Variants in FUT9 observed in about 807,000 individuals in gnomAD.
The protein encoded by FUT9 is fucosyltransferase 9, also known as 4-galactosyl-N-acetylglucosaminide 3-alpha-L-fucosyltransferase 9.
Under a neutral mutation model 29.7 loss-of-function variants are expected in FUT9, and 15 were observed. The observed-to-expected ratio is 0.51, with a 90% confidence interval of 0.34 to 0.78. The LOEUF (loss-of-function observed/expected upper bound fraction) is 0.78, where lower values mean the gene tolerates loss of function less well. Ranked by LOEUF, FUT9 falls within the 30% of genes least tolerant of loss-of-function variation. FUT9 has a pLI of 0.01. For synonymous variants in FUT9, 169 were observed against 153.7 expected (o/e 1.10, Z -0.74); for missense variants, 319 against 425.4 (o/e 0.75, Z 2.20).
chr6:96,137,916 A>G (rs1265254665), intron 2 of FUT9, among the ~76,000 whole-genome samples: 1 of 152,078 alleles, frequency 6.6e-6, no homozygotes, highest in Non-Finnish European at 1.5e-5. Flanking sequence ...AGTTTATTTA[A>G]AAGTTACATA....
intron 1 of FUT9, among the ~76,000 whole-genome samples, chr6:96,073,220 A>G (rs1441326549): frequency 6.6e-6 from 1 of 152,030 alleles, no homozygotes; most frequent in Non-Finnish European, 1.5e-5. Context: ...GGGGGCCAAG[A>G]CAGGTGGATC....
chr6:96,190,291 G>A (rs35601575), intron 2 of FUT9, among the ~76,000 whole-genome samples: 63,918 of 152,034 alleles, frequency 0.42, 14,464 homozygotes, highest in South Asian at 0.7. Context: ...TAGTCAGATC[G>A]GCTTCCTTTT....
chr6:96,073,642 C>A (rs993003713), intron 1 of FUT9, among the ~76,000 whole-genome samples: 15 of 152,090 alleles, frequency 9.9e-5, no homozygotes, highest in Non-Finnish European at 2.1e-4. Context: ...TAATTAAAAT[C>A]TTTGCACAGC....
Position 96,203,869 on chromosome 6 carries a change from T to C in FUT9, c.714T>C (p.Cys238=), listed in dbSNP as rs1339903807. Residue 238 remains cysteine (C), a synonymous_variant, in exon 3 of 3, where the codon TGT becomes TGC. Coordinates refer to ENST00000302103, the MANE Select transcript of FUT9 (RefSeq NM_006581.4). ...ATTTGATTCCTACCATATCTACTTG[T>C]AAATTTTATCTTTCCTTTGAAAATT... ...DKNLIPTIST[C]KFYLSFENSI... The C allele has an allele frequency of 5.6e-6, 9 of 1,611,540 alleles. No individual in the cohort carries two copies. The highest frequency in any genetic ancestry group is 6.8e-6 in the Non-Finnish European group (8 of 1,178,150).
intron 1 of FUT9, among the ~76,000 whole-genome samples, chr6:96,112,504 A>T (rs1771827958): frequency 6.6e-6 from 1 of 152,192 alleles, no homozygotes; most frequent in Non-Finnish European, 1.5e-5. Context: ...TTCAGTGGAA[A>T]ATTAAATTAT....
In FUT9 at chr6:96,016,139, C is replaced by T. The variant is rs1769971971; in HGVS notation, c.-171C>T. The T allele has an allele frequency of 6.4e-6, 1 of 155,218 alleles. No individual in the cohort carries two copies. The highest frequency in any genetic ancestry group is 1.4e-5 in the Non-Finnish European group (1 of 70,442). 9.6% of individuals were successfully genotyped at this position (155,218 alleles called of 1,614,324 possible). On this transcript the variant is annotated 5_prime_UTR_variant, in exon 1 of 3. Coordinates refer to ENST00000302103, the MANE Select transcript of FUT9 (RefSeq NM_006581.4). ...GCTCTTAGGACAGCGCCGCCACCGCCGCCTGGCCCTGCCTGCCTCCTGCGC... is the reference window on the plus strand; with the variant it reads ...GCTCTTAGGACAGCGCCGCCACCGCTGCCTGGCCCTGCCTGCCTCCTGCGC...
chr6:96,096,684 A>ATGTGTGTGTGTGTG (rs1243489757), intron 1 of FUT9, among the ~76,000 whole-genome samples: 37,238 of 140,568 alleles, frequency 0.26, 5,487 homozygotes, highest in Admixed American at 0.38. Flanking sequence ...TGTCTAAGGC[A>ATGTGTGTGTGTGTG]TGTGTGTGTG....
intron 1 of FUT9, among the ~76,000 whole-genome samples, chr6:96,085,193 G>T (rs1263861019): frequency 6.6e-6 from 1 of 152,156 alleles, no homozygotes; most frequent in East Asian, 1.9e-4. Flanking sequence ...TAGCTCAAAG[G>T]ATGTCTTAGT....
At chr6:96,022,421 G>A (rs972064841) in intron 1 of FUT9, among the ~76,000 whole-genome samples, 1 of 152,046 alleles carries the variant, frequency 6.6e-6, no homozygotes, top group Non-Finnish European at 1.5e-5. Context: ...AGAAATGGGA[G>A]TGGGAAAGAC....
chr6:96,191,239 C>G (rs543121922), intron 2 of FUT9, among the ~76,000 whole-genome samples: 7 of 152,030 alleles, frequency 4.6e-5, no homozygotes, highest in African/African-American at 1.7e-4. Flanking sequence ...CAGAGCAGAA[C>G]TGAAGGAAAT....
At chr6:96,124,146 C>A (rs567769937) in intron 2 of FUT9, among the ~76,000 whole-genome samples, 78 of 138,640 alleles carry the variant, frequency 5.6e-4, no homozygotes, top group African/African-American at 2.0e-3. Context: ...TTCTTTTTTT[C>A]TTTTTTCTTT....
rs530280352 is a variant in FUT9 at position 96,167,603 on chromosome 6, C to T, written c.-8-35545C>T. On this transcript the variant is annotated intron_variant, in intron 2 of 2. Coordinates refer to ENST00000302103, the MANE Select transcript of FUT9 (RefSeq NM_006581.4). Reference sequence around the variant, plus strand: ...AGCAAAGCAGACAAGGATTTCTGTCCTCTTGTAGTTTCTATTTTAGTAGAA... The same window carrying T: ...AGCAAAGCAGACAAGGATTTCTGTCTTCTTGTAGTTTCTATTTTAGTAGAA... Among the ~76,000 whole-genome samples the T allele has an allele frequency of 5.3e-5, 8 of 152,086 alleles. 1 individual carries two copies. In the South Asian group the frequency reaches 1.2e-3, roughly 24 times the overall value.
intron 2 of FUT9, among the ~76,000 whole-genome samples, chr6:96,170,608 C>T (rs1380741180): frequency 6.6e-6 from 1 of 151,924 alleles, no homozygotes; most frequent in African/African-American, 2.4e-5. Context: ...AATAATGTTA[C>T]TGTCACTTAG....
At chr6:96,090,415 A>G (rs1771391982) in intron 1 of FUT9, among the ~76,000 whole-genome samples, 2 of 152,072 alleles carry the variant, frequency 1.3e-5, no homozygotes, top group Non-Finnish European at 2.9e-5. Flanking sequence ...CAATTTATAT[A>G]TTTTAAAAGT....
intron 1 of FUT9, among the ~76,000 whole-genome samples, chr6:96,049,840 G>T (rs547685617): frequency 6.6e-6 from 1 of 152,166 alleles, no homozygotes; most frequent in East Asian, 1.9e-4. Flanking sequence ...GGTGAAGTTC[G>T]TGATATATGG....
intron 1 of FUT9, among the ~76,000 whole-genome samples, chr6:96,048,223 T>A (rs759080073): frequency 4.6e-5 from 7 of 152,214 alleles, no homozygotes; most frequent in Non-Finnish European, 7.3e-5. Context: ...CTTAAGGTTT[T>A]TAACTTAATC....
At chr6:96,109,618 A>G (rs530036531) in intron 1 of FUT9, among the ~76,000 whole-genome samples, 1 of 152,206 alleles carries the variant, frequency 6.6e-6, no homozygotes, top group Non-Finnish European at 1.5e-5. Context: ...AATATATCAA[A>G]TGTATTGCAA....
chr6:96,073,912 T>C (rs1771104043), intron 1 of FUT9, among the ~76,000 whole-genome samples: 1 of 152,184 alleles, frequency 6.6e-6, no homozygotes, highest in African/African-American at 2.4e-5. Context: ...CAGGTAGTAA[T>C]GGAGTTTTCA....
At chr6:96,086,123 G>C (rs996500383) in intron 1 of FUT9, among the ~76,000 whole-genome samples, 3 of 152,148 alleles carry the variant, frequency 2.0e-5, no homozygotes, top group African/African-American at 7.2e-5. Context: ...AGAGTACTCT[G>C]AATCACAGGC....
Sources: gnomAD v4.1 joint callset for allele counts (sites outside exome capture counted in the v4.1 genomes callset) on GRCh38, gnomAD v4.1.1 for gene constraint, MANE v1.5 for transcripts, NCBI Gene and HGNC (gene_info 2026-07-23, HGNC 2026-07-21) for gene names.